PGR: variants seen among roughly 807,000 people sequenced by gnomAD.
The protein encoded by PGR is progesterone receptor.
In PGR, 25 loss-of-function variants were observed where a neutral mutation model predicts 76.1. The ratio of observed to expected loss-of-function variants is 0.33; its 90% CI spans 0.24 to 0.46. The LOEUF is 0.46. Ranked by LOEUF, PGR falls within the 20% of genes least tolerant of loss-of-function variation. PGR has a pLI of 1.00. For missense variants in PGR, 1,172 were observed against 1,225.3 expected, an observed-to-expected ratio of 0.96 and a Z score of 0.65; for synonymous variants, 579 against 535.0, an observed-to-expected ratio of 1.08 and a Z score of -1.14.
At chr11:101,110,376 G>C (rs1447011245) in intron 2 of PGR, among the ~76,000 whole-genome samples, 1 of 152,196 alleles carries the variant, frequency 6.6e-6, no homozygotes, top group Non-Finnish European at 1.5e-5. Context: ...CAGTTTGGAA[G>C]AAGTTGATTC....
chr11:101,046,339 A>G (rs1859885749), intron 6 of PGR, among the ~76,000 whole-genome samples: 7 of 79,462 alleles, frequency 8.8e-5, no homozygotes, highest in South Asian at 3.7e-4. Context: ...TTTTTTTTAG[A>G]GACGGGGTTT....
chr11:101,069,867 T>G (rs1565342949), intron 3 of PGR, among the ~76,000 whole-genome samples: 3 of 151,578 alleles, frequency 2.0e-5, no homozygotes, highest in Non-Finnish European at 2.9e-5. Flanking sequence ...GGTGGGGAGC[T>G]AGGGGAGGGA....
chr11:101,040,333 GCA>G (rs1238710350), intron 7 of PGR, among the ~76,000 whole-genome samples: 7 of 151,960 alleles, frequency 4.6e-5, no homozygotes, highest in African/African-American at 1.7e-4. Flanking sequence ...CTACTGCTCT[GCA>G]CAGTTATTGT....
chr11:101,098,272 G>A (rs1310525230), intron 2 of PGR, among the ~76,000 whole-genome samples: 1 of 152,092 alleles, frequency 6.6e-6, no homozygotes, highest in Non-Finnish European at 1.5e-5. Context: ...TAAAATAAGA[G>A]ACCTATATTG....
chr11:101,059,030 AC>A (rs1324429045), intron 4 of PGR, among the ~76,000 whole-genome samples: 1 of 151,280 alleles, frequency 6.6e-6, no homozygotes, highest in Non-Finnish European at 1.5e-5. Context: ...TTACTAAGGG[AC>A]CCCCCACACT....
Position 101,030,019 on chromosome 11 carries a change from C to T in PGR, c.*9097G>A. On this transcript the variant is annotated 3_prime_UTR_variant, in exon 8 of 8. Coordinates refer to ENST00000325455, the MANE Select transcript of PGR (RefSeq NM_000926.4). ...CCTTCAGAACAATTGTCAACATACTCTCAAATGTCTTTCCCACTCAGAAAT... is the reference window on the plus strand; with the variant it reads ...CCTTCAGAACAATTGTCAACATACTTTCAAATGTCTTTCCCACTCAGAAAT... The T allele has an allele frequency of 4.5e-6, 1 of 222,064 alleles. No individual in the cohort carries two copies. Among genetic ancestry groups the T allele is most frequent in the Non-Finnish European group, 9.0e-6 (1 of 111,134 alleles). The allele number at this position is 222,064 out of a possible 1,614,324, so 13.8% of individuals were successfully genotyped here.
chr11:101,114,600 T>C (rs1862443505), intron 2 of PGR, among the ~76,000 whole-genome samples: 1 of 152,198 alleles, frequency 6.6e-6, no homozygotes, highest in African/African-American at 2.4e-5. Flanking sequence ...GCTTTTAGGA[T>C]AATCCTTCCT....
intron 6 of PGR, among the ~76,000 whole-genome samples, chr11:101,048,478 G>A (rs1387432094): frequency 6.6e-6 from 1 of 152,096 alleles, no homozygotes; most frequent in Non-Finnish European, 1.5e-5. Flanking sequence ...ATACACCTAG[G>A]CCTTATTCCT....
intron 2 of PGR, among the ~76,000 whole-genome samples, chr11:101,121,491 T>C (rs1305458144): frequency 6.6e-6 from 1 of 152,250 alleles, no homozygotes; most frequent in East Asian, 1.9e-4. Flanking sequence ...TGACACCAAG[T>C]ATACCCAACT....
chr11:101,074,359 C>T (rs1319179508), intron 3 of PGR, among the ~76,000 whole-genome samples: 2 of 152,110 alleles, frequency 1.3e-5, no homozygotes, highest in Non-Finnish European at 2.9e-5. Context: ...GGCAAACCCA[C>T]AGCGAATATC....
chr11:101,128,189 G>A lies in PGR; in HGVS notation c.882C>T (p.Ser294=), dbSNP rs747630725. ...EQDAPMAPGR[S]PLATTVMDFI... The stretch of plus-strand genomic sequence containing the variant: ...AATCCATCACCGTGGTGGCCAGCGG[G>A]GAGCGCCCGGGCGCCATCGGCGCGT... The change falls in exon 1 of 8, where the codon TCC becomes TCT. Residue 294 remains serine (S), a synonymous_variant. Coordinates refer to ENST00000325455, the MANE Select transcript of PGR (RefSeq NM_000926.4). 1 of 1,598,474 alleles carries A rather than the reference G, an allele frequency of 6.3e-7. No homozygotes were observed. Among genetic ancestry groups the A allele is most frequent in the Non-Finnish European group, 8.5e-7 (1 of 1,179,664 alleles).
rs1859349242 is a variant in PGR, at chr11:101,031,478, T to C, written c.*7638A>G. The C allele has an allele frequency of 8.8e-6, 2 of 227,706 alleles. No homozygotes were observed. The highest frequency in any genetic ancestry group is 5.7e-5 in the Admixed American group (1 of 17,622). The allele number at this position is 227,706 out of a possible 1,614,324, so 14.1% of individuals were successfully genotyped here. ...GCTCTTTTAGATGAAAAAACATGGA[T>C]AGATTATTAAGCGCCAAGTTTTCTC... On this transcript the variant is annotated 3_prime_UTR_variant, in exon 8 of 8. Coordinates refer to ENST00000325455, the MANE Select transcript of PGR (RefSeq NM_000926.4).
intron 2 of PGR, among the ~76,000 whole-genome samples, chr11:101,115,559 G>A (rs761677715): frequency 1.3e-5 from 2 of 152,060 alleles, no homozygotes; most frequent in Non-Finnish European, 2.9e-5. Context: ...ATCACTTCAG[G>A]TCAGGAGTTC....
intron 3 of PGR, among the ~76,000 whole-genome samples, chr11:101,078,099 A>C (rs1312270078): frequency 6.6e-6 from 1 of 152,152 alleles, no homozygotes; most frequent in Non-Finnish European, 1.5e-5. Context: ...AGGAGAAAAC[A>C]AAAAAACAAC....
chr11:101,127,053 G>A (rs1019501215), intron 1 of PGR: 1 of 158,028 alleles, frequency 6.3e-6, no homozygotes, highest in African/African-American at 2.4e-5. Context: ...ATTTCATAAA[G>A]CCCCCAACTC....
At chr11:101,108,234 A>G (rs1426540988) in intron 2 of PGR, among the ~76,000 whole-genome samples, 4 of 146,010 alleles carry the variant, frequency 2.7e-5, no homozygotes, top group African/African-American at 1.0e-4. Context: ...TGGGAGACAG[A>G]ATGAGACTCC....
At position 101,041,563 on chromosome 11, in the gene PGR, G is replaced by C. The variant is rs1461069746; in HGVS notation, c.2646+382C>G. ...GTATTGCCTGATTGCCCACCCATCA[G>C]CAATGTTATTTATAATTCCACTGAA... On this transcript the variant is annotated intron_variant, in intron 7 of 7. Coordinates refer to ENST00000325455, the MANE Select transcript of PGR (RefSeq NM_000926.4). 5.6e-5 allele frequency: 11 copies of C among 195,384 alleles called. No individual in the cohort carries two copies. In the South Asian group the frequency reaches 9.8e-4, roughly 17 times the overall value. The allele number at this position is 195,384 out of a possible 1,614,324, so 12.1% of individuals were successfully genotyped here. A position where few individuals can be genotyped will look rare whatever the true frequency, so the allele number is the denominator to read the frequency against.
chr11:101,112,024 T>C (rs955296579), intron 2 of PGR, among the ~76,000 whole-genome samples: 1 of 151,988 alleles, frequency 6.6e-6, no homozygotes, highest in African/African-American at 2.4e-5. Flanking sequence ...AATAAAGTAT[T>C]TGCAGGAAGG....
intron 3 of PGR, among the ~76,000 whole-genome samples, chr11:101,091,507 T>C (rs1861672551): frequency 6.6e-6 from 1 of 152,212 alleles, no homozygotes; most frequent in African/African-American, 2.4e-5. Context: ...ACATTGCCCA[T>C]TACCTCTACT....
Sources: allele counts gnomAD v4.1 joint callset (sites outside exome capture counted in the v4.1 genomes callset), GRCh38; gene constraint gnomAD v4.1.1; transcripts MANE v1.5; gene names NCBI Gene and HGNC (gene_info 2026-07-23, HGNC 2026-07-21).